The following PXDNL variants were observed in gnomAD, a reference collection of about 807,000 sequenced individuals.
PXDNL encodes probable oxidoreductase PXDNL.
PXDNL carries 145 observed loss-of-function variants against 150.8 expected under a neutral mutation model. That is an observed-to-expected ratio of 0.96 (90% CI 0.84 to 1.10). PXDNL has a LOEUF of 1.10. PXDNL is among the 50% of genes least tolerant of loss of function. The pLI is 0.00. For synonymous variants in PXDNL, 757 were observed against 725.7 expected (o/e 1.04, Z -0.69); for missense variants, 2,087 against 1,873.9 (o/e 1.11, Z -2.10).
At chr8:51,547,260 ACAG>A (rs1312424377) in intron 4 of PXDNL, among the ~76,000 whole-genome samples, 12 of 152,230 alleles carry the variant, frequency 7.9e-5, no homozygotes. Context: ...TCAACTCATA[ACAG>A]AACAACCCTG....
intron 2 of PXDNL, among the ~76,000 whole-genome samples, chr8:51,622,618 G>A (rs909645099): frequency 4.6e-5 from 7 of 152,144 alleles, no homozygotes; most frequent in African/African-American, 1.7e-4. Context: ...TAACATAATA[G>A]CCACGAACAA....
intron 2 of PXDNL, among the ~76,000 whole-genome samples, chr8:51,641,874 A>G: frequency 6.6e-6 from 1 of 152,144 alleles, no homozygotes; most frequent in East Asian, 1.9e-4. Context: ...CAAAAGGACT[A>G]TAAATCATGC....
Position 51,329,357 on chromosome 8 carries a change from T to C in PXDNL, c.4147-8460A>G, listed in dbSNP as rs118004930. Among the ~76,000 whole-genome samples, 797 of 152,282 alleles carry C rather than the reference T, an allele frequency of 5.2e-3. 2 individuals carry two copies. The highest frequency in any genetic ancestry group is 8.8e-3 in the Non-Finnish European group (600 of 68,022). The stretch of plus-strand genomic sequence containing the variant: ...AAGACACTGGAGGAATTTAAAGCCA[T>C]GGCATCTACAGCTACAGGAAACACT... On this transcript the variant is annotated intron_variant, in intron 21 of 22. Coordinates refer to ENST00000356297, the MANE Select transcript of PXDNL (RefSeq NM_144651.5).
At position 51,456,833 on chromosome 8, in the gene PXDNL, C is replaced by G. The variant is rs79755172; in HGVS notation, c.982+665G>C. Among the ~76,000 whole-genome samples, 35 of 152,326 alleles carry G rather than the reference C, an allele frequency of 2.3e-4. No individual in the cohort carries two copies. In the East Asian group the frequency reaches 6.8e-3, roughly 29 times the overall value. ...TGCTGCAAATCAGGGCTCCCTGCTC[C>G]TCAGAGCCAATTTACAAACATTTAC... On this transcript the variant is annotated intron_variant, in intron 9 of 22. Coordinates refer to ENST00000356297, the MANE Select transcript of PXDNL (RefSeq NM_144651.5).
Position 51,483,667 on chromosome 8 carries a change from GA to G in PXDNL, c.499del (p.Ser167LeufsTer6), listed in dbSNP as rs1457610351. 3.9e-6 allele frequency: 6 copies of G among 1,525,560 alleles called. No homozygotes were observed. The highest frequency in any genetic ancestry group is 5.3e-6 in the Non-Finnish European group (6 of 1,126,370). 94.5% of individuals were successfully genotyped at this position (1,525,560 alleles called of 1,614,324 possible). ...KLSKIPAGSF[S>X]NLDSLKRLRL... The stretch of plus-strand genomic sequence containing the variant: ...CAATCTTTTTAATGAATCCAGATTA[GA>G]AAAGCTCCCAGCTGGAATTTTAGAT... On this transcript the variant is annotated frameshift_variant, in exon 6 of 23. Transcript: ENST00000356297. LOFTEE classifies it high-confidence loss of function.
intron 2 of PXDNL, among the ~76,000 whole-genome samples, chr8:51,601,276 G>T (rs1813715269): frequency 6.6e-6 from 1 of 151,734 alleles, no homozygotes; most frequent in Non-Finnish European, 1.5e-5. Context: ...GTTTTGTTTT[G>T]TTAATTTTCT....
chr8:51,571,629 C>T (rs1193668495), intron 3 of PXDNL, among the ~76,000 whole-genome samples: 2 of 151,808 alleles, frequency 1.3e-5, no homozygotes, highest in Admixed American at 1.3e-4. Flanking sequence ...TTAGAACATT[C>T]TTCTCAAATG....
At chr8:51,578,918 G>T (rs1040682683) in intron 3 of PXDNL, among the ~76,000 whole-genome samples, 3 of 151,974 alleles carry the variant, frequency 2.0e-5, no homozygotes, top group African/African-American at 7.2e-5. Flanking sequence ...AAAAACACGA[G>T]CCTTGATCTA....
intron 1 of PXDNL, among the ~76,000 whole-genome samples, chr8:51,770,840 T>C (rs2037285680): frequency 6.6e-6 from 1 of 152,166 alleles, no homozygotes; most frequent in African/African-American, 2.4e-5. Flanking sequence ...ATGGAGCCGC[T>C]TGGCAGGCAG....
At chr8:51,638,874 C>T (rs917948471) in intron 2 of PXDNL, among the ~76,000 whole-genome samples, 2 of 152,162 alleles carry the variant, frequency 1.3e-5, no homozygotes, top group African/African-American at 2.4e-5. Context: ...ACAGAACTCT[C>T]CACCCCAAAT....
chr8:51,459,988 C>T (rs1003714532), intron 8 of PXDNL, among the ~76,000 whole-genome samples: 8 of 152,112 alleles, frequency 5.3e-5, no homozygotes, highest in Non-Finnish European at 2.9e-5. Context: ...TGACTCACAC[C>T]TGTGATGCCA....
intron 17 of PXDNL, among the ~76,000 whole-genome samples, chr8:51,379,240 G>C (rs1360520830): frequency 6.6e-6 from 1 of 152,146 alleles, no homozygotes; most frequent in African/African-American, 2.4e-5. Context: ...CTAATTGAAG[G>C]TATGAGTCAT....
At chr8:51,636,006 G>C (rs1814596067) in intron 2 of PXDNL, among the ~76,000 whole-genome samples, 1 of 152,010 alleles carries the variant, frequency 6.6e-6, no homozygotes, top group African/African-American at 2.4e-5. Context: ...TATTCACCAG[G>C]ATCAAGTAGA....
chr8:51,731,496 C>CA, intron 1 of PXDNL, among the ~76,000 whole-genome samples: 1 of 152,330 alleles, frequency 6.6e-6, no homozygotes, highest in East Asian at 1.9e-4. Flanking sequence ...TTTCCAGGCA[C>CA]ATAGTGCAAG....
chr8:51,534,214 C>G (rs1258894518), intron 4 of PXDNL, among the ~76,000 whole-genome samples: 2 of 137,960 alleles, frequency 1.4e-5, no homozygotes, highest in Non-Finnish European at 3.0e-5. Context: ...TGCCCGGCCG[C>G]CCCGTCTGAG....
In PXDNL at chr8:51,529,244, C is replaced by G. The variant is rs151309073; in HGVS notation, c.380+27596G>C. On this transcript the variant is annotated intron_variant, in intron 4 of 22. Transcript: ENST00000356297. Reference sequence around the variant, plus strand: ...CATTTCCTCTGGATATGTTACCCATCGTCACTCCCTCTTATCCCTTCTCCC... The same window carrying G: ...CATTTCCTCTGGATATGTTACCCATGGTCACTCCCTCTTATCCCTTCTCCC... Among the ~76,000 whole-genome samples, 1,157 of 152,276 alleles carry G rather than the reference C, an allele frequency of 7.6e-3. 56 individuals carry two copies. The highest frequency in any genetic ancestry group is 0.069 in the Admixed American group (1,057 of 15,294).
intron 4 of PXDNL, among the ~76,000 whole-genome samples, chr8:51,541,506 T>C (rs1812216793): frequency 6.6e-6 from 1 of 152,090 alleles, no homozygotes; most frequent in Non-Finnish European, 1.5e-5. Context: ...TTCTGGGAAG[T>C]TTTTGGCCCA....
intron 4 of PXDNL, among the ~76,000 whole-genome samples, chr8:51,537,389 C>G (rs1343448876): frequency 6.6e-6 from 1 of 152,190 alleles, no homozygotes; most frequent in Admixed American, 6.5e-5. Context: ...TAATCAGAAA[C>G]TCAGACATAT....
chr8:51,457,085 G>T (rs913256586), intron 9 of PXDNL, among the ~76,000 whole-genome samples: 1 of 152,218 alleles, frequency 6.6e-6, no homozygotes, highest in Non-Finnish European at 1.5e-5. Flanking sequence ...AGTTGAATAA[G>T]GAACGTGGTT....
Sources: allele counts gnomAD v4.1 joint callset (sites outside exome capture counted in the v4.1 genomes callset), GRCh38; gene constraint gnomAD v4.1.1; transcripts MANE v1.5; gene names NCBI Gene and HGNC (gene_info 2026-07-23, HGNC 2026-07-21).